Variants in PRKCB observed in about 807,000 individuals in gnomAD.
PRKCB encodes protein kinase C beta.
PRKCB carries 13 observed loss-of-function variants against 81.5 expected under a neutral mutation model. The observed-to-expected ratio is 0.16, with a 90% CI of 0.10 to 0.25. The LOEUF is 0.25. PRKCB is among the 10% of genes least tolerant of loss of function. PRKCB has a pLI of 1.00. For synonymous variants in PRKCB, 335 were observed against 321.4 expected (o/e 1.04, Z -0.45); for missense variants, 509 against 875.7 (o/e 0.58, Z 5.29).
intron 16 of PRKCB, among the ~76,000 whole-genome samples, chr16:24,209,569 CA>C (rs1403102066): frequency 6.6e-6 from 1 of 152,166 alleles, no homozygotes; most frequent in African/African-American, 2.4e-5. Context: ...GGGTCACCAA[CA>C]ATGCCTCTCT....
intron 2 of PRKCB, among the ~76,000 whole-genome samples, chr16:23,851,791 T>C (rs1262608905): frequency 1.3e-5 from 2 of 152,232 alleles, no homozygotes; most frequent in Admixed American, 6.5e-5. Context: ...AGTATACAGA[T>C]AGTTTGCTTC....
chr16:24,103,144 A>T (rs1476413685), intron 7 of PRKCB, among the ~76,000 whole-genome samples: 1 of 152,208 alleles, frequency 6.6e-6, no homozygotes, highest in Non-Finnish European at 1.5e-5. Context: ...AAGTGTTGGG[A>T]TTACAGGTGT....
intron 2 of PRKCB, among the ~76,000 whole-genome samples, chr16:23,851,593 G>A (rs1427304492): frequency 6.6e-6 from 1 of 152,138 alleles, no homozygotes; most frequent in Admixed American, 6.5e-5. Flanking sequence ...TATGAACTTA[G>A]GGATTGTTTT....
intron 16 of PRKCB, among the ~76,000 whole-genome samples, chr16:24,204,555 C>G (rs1473775995): frequency 6.6e-6 from 1 of 152,056 alleles, no homozygotes; most frequent in South Asian, 2.1e-4. Context: ...GGTGAGTTTA[C>G]TTGAAGCCAA....
At position 23,926,408 on chromosome 16, in the gene PRKCB, C is replaced by G. The variant is rs11641926; in HGVS notation, c.206-62100C>G. On this transcript the variant is annotated intron_variant, in intron 2 of 16. Transcript: ENST00000643927. ...CCGAGGTGGAAGAATCACTTGAACC[C>G]GGGAGGTGGAGGTTGCAGTGAGCCG... Among the ~76,000 whole-genome samples, 95 of 151,290 alleles carry G rather than the reference C, an allele frequency of 6.3e-4. 3 individuals carry two copies. Among genetic ancestry groups the G allele is most frequent in the Non-Finnish European group, 1.1e-3 (73 of 67,764 alleles).
At chr16:24,166,178 G>T (rs556421792) in intron 10 of PRKCB, among the ~76,000 whole-genome samples, 6 of 151,772 alleles carry the variant, frequency 4.0e-5, no homozygotes, top group Non-Finnish European at 8.8e-5. Context: ...CACTGCACCC[G>T]GTCCAGATAT....
chr16:24,123,061 A>T (rs198185), intron 8 of PRKCB, among the ~76,000 whole-genome samples: 21,481 of 152,262 alleles, frequency 0.14, 1,933 homozygotes, highest in Non-Finnish European at 0.21. Flanking sequence ...TCTCCAATTT[A>T]TTGGAAGGAA....
At chr16:24,044,696 G>A (rs1965743690) in intron 5 of PRKCB, among the ~76,000 whole-genome samples, 1 of 152,192 alleles carries the variant, frequency 6.6e-6, no homozygotes. Context: ...ATCTATGGCT[G>A]CTCTTGTGAT....
intron 2 of PRKCB, among the ~76,000 whole-genome samples, chr16:23,947,885 CTTTTTT>C (rs3073131): frequency 8.0e-6 from 1 of 124,434 alleles, no homozygotes; most frequent in Non-Finnish European, 1.6e-5. Context: ...TCTGGAGCCG[CTTTTTT>C]TTTTTTTTTT....
chr16:24,145,454 C>T (rs767962842), intron 9 of PRKCB, among the ~76,000 whole-genome samples: 2 of 151,870 alleles, frequency 1.3e-5, no homozygotes, highest in Non-Finnish European at 2.9e-5. Flanking sequence ...TTTATGAGAG[C>T]GAGAAGAGGG....
At chr16:24,098,326 A>C (rs932733252) in intron 7 of PRKCB, 4 of 152,268 alleles carry the variant, frequency 2.6e-5, no homozygotes, top group Non-Finnish European at 5.9e-5. Flanking sequence ...AGAAGGTTTG[A>C]TAAACTGATG....
chr16:24,084,495 G>A (rs780611414), intron 5 of PRKCB, among the ~76,000 whole-genome samples: 2 of 151,974 alleles, frequency 1.3e-5, no homozygotes, highest in Non-Finnish European at 2.9e-5. Context: ...TAAGAAAATG[G>A]ATATAGATAA....
chr16:23,928,647 C>T (rs1454824599), intron 2 of PRKCB, among the ~76,000 whole-genome samples: 2 of 151,922 alleles, frequency 1.3e-5, no homozygotes, highest in South Asian at 2.1e-4. Context: ...GGGAAATGCA[C>T]CTCTGTTGGG....
At chr16:23,998,987 C>A (rs1964995829) in intron 3 of PRKCB, among the ~76,000 whole-genome samples, 1 of 152,208 alleles carries the variant, frequency 6.6e-6, no homozygotes, top group Non-Finnish European at 1.5e-5. Flanking sequence ...GGCAGCCTAC[C>A]TGAAATGATT....
intron 5 of PRKCB, among the ~76,000 whole-genome samples, chr16:24,090,643 C>T (rs1344248895): frequency 1.3e-5 from 2 of 152,060 alleles, no homozygotes; most frequent in East Asian, 1.9e-4. Flanking sequence ...GTGTTGGGTT[C>T]GAGGGACTGA....
At chr16:24,027,215 A>G (rs574350288) in intron 3 of PRKCB, among the ~76,000 whole-genome samples, 6 of 151,956 alleles carry the variant, frequency 3.9e-5, no homozygotes, top group South Asian at 2.1e-4. Context: ...TCATCGTTCA[A>G]CTCCCACTTA....
chr16:24,129,903 A>G (rs1332012094), intron 9 of PRKCB, among the ~76,000 whole-genome samples: 1 of 152,248 alleles, frequency 6.6e-6, no homozygotes, highest in African/African-American at 2.4e-5. Flanking sequence ...GAAAATTTAA[A>G]AAATGGAAAA....
At chr16:24,190,095 C>T (rs1208939101) in intron 15 of PRKCB, among the ~76,000 whole-genome samples, 4 of 152,042 alleles carry the variant, frequency 2.6e-5, no homozygotes, top group Non-Finnish European at 5.9e-5. Context: ...CACTCAGAGA[C>T]CCAAAGATGG....
chr16:24,022,101 TG>T (rs1393584097), intron 3 of PRKCB, among the ~76,000 whole-genome samples: 2 of 152,016 alleles, frequency 1.3e-5, no homozygotes, highest in Non-Finnish European at 2.9e-5. Flanking sequence ...GCGAGATGAC[TG>T]GGGATGATCA....
Sources: gnomAD v4.1 joint callset for allele counts (sites outside exome capture counted in the v4.1 genomes callset) on GRCh38, gnomAD v4.1.1 for gene constraint, MANE v1.5 for transcripts, NCBI Gene and HGNC (gene_info 2026-07-23, HGNC 2026-07-21) for gene names.